Variants in CELSR3 observed in about 807,000 individuals in gnomAD.
CELSR3 encodes EGF-like protein 1.
Under a neutral mutation model 270.0 loss-of-function variants are expected in CELSR3, and 73 were observed. The observed-to-expected ratio is 0.27, with a 90% CI of 0.22 to 0.33. The LOEUF is 0.33. CELSR3 is among the 10% of genes least tolerant of loss of function. The pLI, the probability that CELSR3 is intolerant of heterozygous loss-of-function variation, is 1.00. For missense variants in CELSR3, 3,614 were observed against 4,533.8 expected, an observed-to-expected ratio of 0.80 and a Z score of 5.83; for synonymous variants, 1,780 against 1,905.4, an observed-to-expected ratio of 0.93 and a Z score of 1.71.
chr3:48,647,789 T>TG, intron 20 of CELSR3, 52 bp downstream of exon 20: 1 of 1,575,068 alleles, frequency 6.3e-7, no homozygotes, highest in Non-Finnish European at 8.6e-7. Flanking sequence ...AGTATCTGGT[T>TG]GGGGGGACAG....
chr3:48,641,723 TG>T lies in CELSR3; in HGVS notation c.8824+127del. The T allele has an allele frequency of 9.6e-7, 1 of 1,040,594 alleles. No individual in the cohort carries two copies. The highest frequency in any genetic ancestry group is 1.4e-6 in the Non-Finnish European group (1 of 739,888). The allele number at this position is 1,040,594 out of a possible 1,614,324, so 64.5% of individuals were successfully genotyped here. On this transcript the variant is annotated intron_variant, in intron 32 of 34. Coordinates refer to ENST00000164024, the MANE Select transcript of CELSR3 (RefSeq NM_001407.3). The surrounding 1 kb of genome is among the most constrained non-coding windows in gnomAD (Gnocchi z 4.8). ...CTGGAGGTGGACAGAGACTAAAAGT[TG>T]GGGAACCTGATGACTGAGGGGTCAG... is the stretch of plus-strand genomic sequence containing the variant.
Position 48,640,289 on chromosome 3 carries a change from G to A in CELSR3, c.9296C>T (p.Pro3099Leu). 6.2e-7 allele frequency: 1 copy of A among 1,612,860 alleles called. No homozygotes were observed. Among genetic ancestry groups the A allele is most frequent in the Non-Finnish European group, 8.5e-7 (1 of 1,179,976 alleles). Residue 3099 changes from proline (P) to leucine (L), a missense_variant, in exon 34 of 35, where the codon CCA (proline) becomes CTA (leucine). Coordinates refer to ENST00000164024, the MANE Select transcript of CELSR3 (RefSeq NM_001407.3). The surrounding 1 kb of genome is among the most constrained non-coding windows in gnomAD (Gnocchi z 7.5). ...AGCATCCATGCATTCCTGGGACCCT[G>A]GCCGGCTCAGGGGACGTAGAACAGG... ...PAPVLRPLSR[P>L]GSQECMDAAP...
chr3:48,647,768 G>C, intron 20 of CELSR3, 73 bp downstream of exon 20: 1 of 1,491,154 alleles, frequency 6.7e-7, no homozygotes, highest in East Asian at 2.3e-5. Context: ...AAATTGGCAG[G>C]AGGGCAACAT....
rs991521798 is a variant in CELSR3, at chr3:48,652,039, G to C, written c.5761C>G (p.Leu1921Val). ...GLVGCIQGVWLGSTPSGSPAL... is the reference protein window; with the variant it reads ...GLVGCIQGVWVGSTPSGSPAL... The stretch of plus-strand genomic sequence containing the variant: ...GGGGAGCCAGAGGGTGTGGAGCCGA[G>C]CCACACCCCCTGTGGACACACAGCC... The change falls in exon 12 of 35, where the codon CTC becomes GTC. Residue 1921 changes from leucine to valine, a missense_variant. Leu to Val is a conservative substitution (Grantham distance 32). Around this residue, in one of 7 missense-constraint regions of CELSR3, gnomAD observed 1,331 missense variants for 1,933.7 expected, o/e 0.69. Coordinates refer to ENST00000164024, the MANE Select transcript of CELSR3 (RefSeq NM_001407.3). The surrounding 1 kb of genome is among the most constrained non-coding windows in gnomAD (Gnocchi z 4.3). The C allele has an allele frequency of 5.2e-6, 8 of 1,551,282 alleles. No homozygotes were observed. The highest frequency in any genetic ancestry group is 6.9e-6 in the Non-Finnish European group (8 of 1,153,396).
At chr3:48,638,353 T>C (rs2046991827) in intron 34 of CELSR3, 121 bp from the exon 35 acceptor site, 2 of 739,684 alleles carry the variant, frequency 2.7e-6, no homozygotes, top group Non-Finnish European at 4.9e-6. Flanking sequence ...CTCTCGCCTC[T>C]TAGCCCCCAG....
Position 48,641,216 on chromosome 3 carries a change from G to C in CELSR3, c.9025+108C>G, listed in dbSNP as rs2047023373. On this transcript the variant is annotated intron_variant, in intron 33 of 34. Transcript: ENST00000164024. This position sits in a 1 kb window ranked among gnomAD's most constrained non-coding sequence, Gnocchi z 4.8. ...AGAGAAGCAGAAGCGCCCTAGGTCA[G>C]AGTAAGAAGAGCTCTCAGTTTGGGA... is the stretch of plus-strand genomic sequence containing the variant. The C allele has an allele frequency of 1.3e-6, 1 of 772,054 alleles. No individual in the cohort carries two copies. Among genetic ancestry groups the C allele is most frequent in the East Asian group, 2.4e-5 (1 of 40,948 alleles). 47.8% of individuals were successfully genotyped at this position (772,054 alleles called of 1,614,324 possible).
rs1252365365 is a variant in CELSR3 at position 48,650,094 on chromosome 3, G to A, written c.6472+386C>T. Among the ~76,000 whole-genome samples the A allele has an allele frequency of 6.6e-6, 1 of 151,784 alleles. No individual in the cohort carries two copies. The highest frequency in any genetic ancestry group is 1.5e-5 in the Non-Finnish European group (1 of 67,970). On this transcript the variant is annotated intron_variant, in intron 16 of 34. Transcript: ENST00000164024. The surrounding 1 kb of genome is among the most constrained non-coding windows in gnomAD (Gnocchi z 5.1). ...GCAGGGTCCTCAGGCAATGGGGAGG[G>A]GTCTCTGAGGATCTCAGGCATCAGA... is the stretch of plus-strand genomic sequence containing the variant.
intron 19 of CELSR3, 28 bp from the exon 20 acceptor site, chr3:48,648,024 C>CT (rs2047102963): frequency 6.2e-7 from 1 of 1,608,922 alleles, no homozygotes; most frequent in Non-Finnish European, 8.5e-7. Flanking sequence ...AGGGGAGGCC[C>CT]ATCATGGACC....
At position 48,644,738 on chromosome 3, in the gene CELSR3, C is replaced by A; in HGVS notation, c.8063G>T (p.Gly2688Val). The A allele has an allele frequency of 6.2e-7, 1 of 1,613,414 alleles. No individual in the cohort carries two copies. Among genetic ancestry groups the A allele is most frequent in the Non-Finnish European group, 8.5e-7 (1 of 1,179,884 alleles). Reference protein sequence around the residue: ...VHEPLIWSFAGPVVLVIVMNG... With the variant: ...VHEPLIWSFAVPVVLVIVMNG... Reference sequence around the variant, plus strand: ...CACCACTATGACCAGGACAACAGGGCCAGCAAAGCTCCAGATGAGGGGCTC... The same window carrying A: ...CACCACTATGACCAGGACAACAGGGACAGCAAAGCTCCAGATGAGGGGCTC... The change falls in exon 26 of 35, where the codon GGC becomes GTC. Residue 2688 changes from glycine (G) to valine (V), a missense_variant. By Grantham distance (109) the Gly-to-Val change is moderately radical (BLOSUM62 -3). Coordinates refer to ENST00000164024, the MANE Select transcript of CELSR3 (RefSeq NM_001407.3). This position sits in a 1 kb window ranked among gnomAD's most constrained non-coding sequence, Gnocchi z 4.8.
rs1221641586 is a variant in CELSR3 at position 48,641,130 on chromosome 3, A to AG, written c.9025+193dup. On this transcript the variant is annotated intron_variant, in intron 33 of 34. Coordinates refer to ENST00000164024, the MANE Select transcript of CELSR3 (RefSeq NM_001407.3). This position sits in a 1 kb window ranked among gnomAD's most constrained non-coding sequence, Gnocchi z 4.8. ...CCCCCTGTGGTGCTGGCCAGGGTAG[A>AG]GGGGGACAGAGAATTCCCAGGTCAG... 1 of 589,346 alleles carries AG rather than the reference A, an allele frequency of 1.7e-6. No homozygotes were observed. The allele number at this position is 589,346 out of a possible 1,614,324, so 36.5% of individuals were successfully genotyped here.
chr3:48,656,658 G>A (rs1450841738), intron 2 of CELSR3, 40 bp downstream of exon 2: 3 of 1,451,310 alleles, frequency 2.1e-6, no homozygotes, highest in Non-Finnish European at 2.7e-6. Flanking sequence ...CCCAGCCTTG[G>A]CCCGTGCTTC....
Position 48,652,299 on chromosome 3 carries a change from G to C in CELSR3, c.5751+138C>G. On this transcript the variant is annotated intron_variant, in intron 11 of 34. Transcript: ENST00000164024. The surrounding 1 kb of genome is among the most constrained non-coding windows in gnomAD (Gnocchi z 4.3). ...CACCTCCAATGCCACAGAAAGGCTT[G>C]ACCTAGCTCTCAACTCTGGGTCATT... 1 of 786,652 alleles carries C rather than the reference G, an allele frequency of 1.3e-6. No individual in the cohort carries two copies. 48.7% of individuals were successfully genotyped at this position (786,652 alleles called of 1,614,324 possible).
In CELSR3 at chr3:48,637,924, C is replaced by T. The variant is rs1463986038; in HGVS notation, c.*281G>A. On this transcript the variant is annotated 3_prime_UTR_variant, in exon 35 of 35. Coordinates refer to ENST00000164024, the MANE Select transcript of CELSR3 (RefSeq NM_001407.3). The stretch of plus-strand genomic sequence containing the variant: ...CCCCCTCCCAGCCCAGCCTCAAACC[C>T]CCCAGGAGACAGAAAAGCTGAAAAA... The T allele has an allele frequency of 2.3e-6, 1 of 441,310 alleles. No homozygotes were observed. Among genetic ancestry groups the T allele is most frequent in the Non-Finnish European group, 4.2e-6 (1 of 240,632 alleles). 27.3% of individuals were successfully genotyped at this position (441,310 alleles called of 1,614,324 possible).
Position 48,646,938 on chromosome 3 carries a change from G to A in CELSR3, c.7130-10C>T. The A allele has an allele frequency of 6.6e-7, 1 of 1,511,976 alleles. No individual in the cohort carries two copies. The highest frequency in any genetic ancestry group is 8.8e-7 in the Non-Finnish European group (1 of 1,134,012). 93.7% of individuals were successfully genotyped at this position (1,511,976 alleles called of 1,614,324 possible). A position where few individuals can be genotyped will look rare whatever the true frequency, so the allele number is the denominator to read the frequency against. On this transcript the variant is annotated splice_polypyrimidine_tract_variant and intron_variant, in intron 20 of 34. Transcript: ENST00000164024. The surrounding 1 kb of genome is among the most constrained non-coding windows in gnomAD (Gnocchi z 4.8). Reference sequence around the variant, plus strand: ...CTGCTTGTGGGCAGAACTGCCAGGAGAGAAGGAGGAGCTTCTGTCAGTGAC... The same window carrying A: ...CTGCTTGTGGGCAGAACTGCCAGGAAAGAAGGAGGAGCTTCTGTCAGTGAC...
chr3:48,662,507 T>A lies in CELSR3; in HGVS notation c.128A>T (p.Asp43Val). Residue 43 changes from aspartate to valine, a missense_variant, in exon 1 of 35, where the codon GAC becomes GTC. Asp to Val is a radical substitution (Grantham distance 152). Around this residue, in one of 7 missense-constraint regions of CELSR3, gnomAD observed 470 missense variants for 469.7 expected, o/e 1.00. Coordinates refer to ENST00000164024, the MANE Select transcript of CELSR3 (RefSeq NM_001407.3). This position sits in a 1 kb window ranked among gnomAD's most constrained non-coding sequence, Gnocchi z 7.1. ...ELGGGGHQGWDPGLAATTGPR... is the reference protein window; with the variant it reads ...ELGGGGHQGWVPGLAATTGPR... ...CCCCGTAGTGGCAGCTAAGCCTGGG[T>A]CCCAGCCCTGGTGCCCACCGCCCCC... The A allele has an allele frequency of 6.2e-7, 1 of 1,611,494 alleles. No homozygotes were observed. The highest frequency in any genetic ancestry group is 1.1e-5 in the South Asian group (1 of 90,948).
Position 48,646,199 on chromosome 3 carries a change from G to A in CELSR3, c.7354C>T (p.Arg2452Cys), listed in dbSNP as rs1347918680. The change falls in exon 22 of 35, where the codon CGC becomes TGC. Residue 2452 changes from arginine to cysteine, a missense_variant. By Grantham distance (180) the Arg-to-Cys change is radical. Around this residue, in one of 7 missense-constraint regions of CELSR3, gnomAD observed 1,240 missense variants for 1,351.7 expected, o/e 0.92. Transcript: ENST00000164024. This position sits in a 1 kb window ranked among gnomAD's most constrained non-coding sequence, Gnocchi z 4.8. ...TCCAGGATTCCCCTTAGGAAGTTGCGTCCGTGGAACACAGCCACGCTGACC... is the reference window on the plus strand; with the variant it reads ...TCCAGGATTCCCCTTAGGAAGTTGCATCCGTGGAACACAGCCACGCTGACC... ...PVVSVAVFHG[R>C]NFLRGILESP... 36 of 1,612,760 alleles carry A rather than the reference G, an allele frequency of 2.2e-5. No individual in the cohort carries two copies. The highest frequency in any genetic ancestry group is 4.5e-5 in the East Asian group (2 of 44,882).
chr3:48,648,238 G>GGGCCCCCCCCC, intron 19 of CELSR3, 28 bp downstream of exon 19: 4 of 1,342,614 alleles, frequency 3.0e-6, no homozygotes, highest in South Asian at 1.2e-5. Flanking sequence ...CCCCTGCTGT[G>GGGCCCCCCCCC]CCCCGCCCTA....
chr3:48,662,453 A>G lies in CELSR3; in HGVS notation c.182T>C (p.Leu61Ser). Reference protein sequence around the residue: ...GPRAHIGGGALALCPESSGVR... With the variant: ...GPRAHIGGGASALCPESSGVR... Reference sequence around the variant, plus strand: ...CCCGGAAGACTCCGGACAAAGAGCTAAGGCTCCGCCACCGATATGCGCCCT... The same window carrying G: ...CCCGGAAGACTCCGGACAAAGAGCTGAGGCTCCGCCACCGATATGCGCCCT... Residue 61 changes from leucine (L) to serine (S), a missense_variant, in exon 1 of 35, where the codon TTA becomes TCA. Around this residue, in one of 7 missense-constraint regions of CELSR3, gnomAD observed 470 missense variants for 469.7 expected, o/e 1.00. Transcript: ENST00000164024. This position sits in a 1 kb window ranked among gnomAD's most constrained non-coding sequence, Gnocchi z 7.1. The G allele has an allele frequency of 6.2e-7, 1 of 1,612,768 alleles. No homozygotes were observed. Among genetic ancestry groups the G allele is most frequent in the South Asian group, 1.1e-5 (1 of 91,060 alleles).
chr3:48,653,616 C>A lies in CELSR3; in HGVS notation c.5448+3G>T. 6.2e-7 allele frequency: 1 copy of A among 1,613,506 alleles called. No homozygotes were observed. On this transcript the variant is annotated splice_donor_region_variant and intron_variant, in intron 9 of 34. Coordinates refer to ENST00000164024, the MANE Select transcript of CELSR3 (RefSeq NM_001407.3). This position sits in a 1 kb window ranked among gnomAD's most constrained non-coding sequence, Gnocchi z 6.5. ...GGTATAGGGGTGAGCAGGGTGGACACACCTGGCAAAGGAGCGTGCTGTGTG... is the reference window on the plus strand; with the variant it reads ...GGTATAGGGGTGAGCAGGGTGGACAAACCTGGCAAAGGAGCGTGCTGTGTG...
Sources: gnomAD v4.1 joint callset for allele counts (sites outside exome capture counted in the v4.1 genomes callset) on GRCh38, gnomAD v4.1.1 for gene constraint, gnomAD v4.1.1 regional missense constraint, Gnocchi (gnomAD v3.1) non-coding constraint, MANE v1.5 for transcripts, NCBI Gene and HGNC (gene_info 2026-07-23, HGNC 2026-07-21) for gene names.